Variants in CAMTA1 observed in about 807,000 individuals in gnomAD.
CAMTA1 encodes calmodulin-binding transcription activator 1.
A neutral mutation model predicts 170.9 loss-of-function variants in CAMTA1; 27 were observed. The ratio of observed to expected loss-of-function variants is 0.16; its 90% confidence interval spans 0.12 to 0.22. The LOEUF (loss-of-function observed/expected upper bound fraction) is 0.22, where lower values mean the gene tolerates loss of function less well. Among genes scored for constraint, CAMTA1 ranks in the 10% least tolerant of loss-of-function variants. The probability of loss-of-function intolerance (pLI) is 1.00; values close to 1 mark genes in which losing one functional copy is unlikely to be tolerated. For missense variants in CAMTA1, 1,619 were observed against 2,217.2 expected, an observed-to-expected ratio of 0.73 and a Z score of 5.42; for synonymous variants, 833 against 891.5, an observed-to-expected ratio of 0.93 and a Z score of 1.17.
intron 7 of CAMTA1, among the ~76,000 whole-genome samples, chr1:7,648,267 C>T (rs994068858): frequency 6.6e-6 from 1 of 152,020 alleles, no homozygotes; most frequent in Non-Finnish European, 1.5e-5. Flanking sequence ...TGGCAGGTGC[C>T]TGTAATCACA....
rs1362480531 is a variant in CAMTA1 at position 7,642,824 on chromosome 1, G to T, written c.664+2271G>T. On this transcript the variant is annotated intron_variant, in intron 7 of 22. Coordinates refer to ENST00000303635, the MANE Select transcript of CAMTA1 (RefSeq NM_015215.4). The surrounding 1 kb of genome is among the most constrained non-coding windows in gnomAD (Gnocchi z 6.3). Reference sequence around the variant, plus strand: ...AAGAATCTAGCAGCCTCTGCCCTAAGACCAGCACTTCCAGCCATCTCAGGG... The same window carrying T: ...AAGAATCTAGCAGCCTCTGCCCTAATACCAGCACTTCCAGCCATCTCAGGG... Among the ~76,000 whole-genome samples the T allele has an allele frequency of 6.6e-6, 1 of 152,082 alleles. No individual in the cohort carries two copies. Among genetic ancestry groups the T allele is most frequent in the Non-Finnish European group, 1.5e-5 (1 of 68,008 alleles).
intron 4 of CAMTA1, among the ~76,000 whole-genome samples, chr1:7,204,809 C>CTTTTTT (rs61639082): frequency 1.7e-5 from 2 of 120,978 alleles, no homozygotes; most frequent in Non-Finnish European, 1.7e-5. Context: ...GTCAGAGTTT[C>CTTTTTT]TTTTTTTTTT....
At position 7,547,382 on chromosome 1, in the gene CAMTA1, AC is replaced by A. The variant is rs2094710779; in HGVS notation, c.510+79482del. ...CACACACACACACACACACACACAC[AC>A]ACACACAGAGTTGGCCTTCCACATT... is the stretch of plus-strand genomic sequence containing the variant. On this transcript the variant is annotated intron_variant, in intron 6 of 22. Coordinates refer to ENST00000303635, the MANE Select transcript of CAMTA1 (RefSeq NM_015215.4). This position sits in a 1 kb window ranked among gnomAD's most constrained non-coding sequence, Gnocchi z 5.7. Among the ~76,000 whole-genome samples the A allele has an allele frequency of 1.3e-5, 2 of 151,554 alleles. No individual in the cohort carries two copies. Among genetic ancestry groups the A allele is most frequent in the Admixed American group, 6.6e-5 (1 of 15,228 alleles).
intron 1 of CAMTA1, among the ~76,000 whole-genome samples, chr1:6,801,206 T>C (rs1200015014): frequency 6.6e-6 from 1 of 152,266 alleles, no homozygotes; most frequent in African/African-American, 2.4e-5. Flanking sequence ...CTTTCTGTAC[T>C]GAATCTAATT....
intron 6 of CAMTA1, among the ~76,000 whole-genome samples, chr1:7,629,647 C>T (rs552329269): frequency 6.6e-6 from 1 of 152,168 alleles, no homozygotes; most frequent in Non-Finnish European, 1.5e-5. Context: ...CTTTCTGGAC[C>T]GGAAAGCCCT....
chr1:7,214,862 T>C (rs1659470973), intron 4 of CAMTA1, among the ~76,000 whole-genome samples: 1 of 81,178 alleles, frequency 1.2e-5, no homozygotes, highest in Non-Finnish European at 2.4e-5. Flanking sequence ...TTTCTTTCTT[T>C]TTTTTTTTTT....
chr1:6,978,591 G>A (rs190716949), intron 3 of CAMTA1, among the ~76,000 whole-genome samples: 82 of 151,874 alleles, frequency 5.4e-4, no homozygotes, highest in Admixed American at 2.8e-3. Context: ...CTGAGATTGC[G>A]CCACTGCACT....
At chr1:7,112,872 C>T (rs1233337324) in intron 4 of CAMTA1, among the ~76,000 whole-genome samples, 1 of 152,234 alleles carries the variant, frequency 6.6e-6, no homozygotes, top group South Asian at 2.1e-4. Context: ...TTCCAGATCT[C>T]ACTTCCTTGC....
At chr1:7,660,225 C>T (rs903308950) in intron 7 of CAMTA1, among the ~76,000 whole-genome samples, 14 of 152,202 alleles carry the variant, frequency 9.2e-5, no homozygotes, top group African/African-American at 3.1e-4. Flanking sequence ...TGTGCCACCA[C>T]GCCCAGCTAA....
intron 6 of CAMTA1, among the ~76,000 whole-genome samples, chr1:7,631,788 G>A (rs971916938): frequency 2.0e-5 from 3 of 152,160 alleles, no homozygotes; most frequent in Non-Finnish European, 4.4e-5. Context: ...TCCTCCCCCT[G>A]CCTCCTGGCT....
At chr1:7,516,993 A>G (rs1473088397) in intron 6 of CAMTA1, among the ~76,000 whole-genome samples, 8 of 152,210 alleles carry the variant, frequency 5.3e-5, no homozygotes, top group African/African-American at 1.4e-4. Context: ...CCCACCTTCC[A>G]AAGATAGTAA....
chr1:7,024,798 A>C (rs1277838701), intron 3 of CAMTA1, among the ~76,000 whole-genome samples: 1 of 152,176 alleles, frequency 6.6e-6, no homozygotes, highest in East Asian at 1.9e-4. Context: ...TTGGGAAGTA[A>C]AGTGCCATAT....
Position 6,901,922 on chromosome 1 carries a change from G to T in CAMTA1, c.234+76712G>T, listed in dbSNP as rs79397393. Among the ~76,000 whole-genome samples, 393 of 151,876 alleles carry T rather than the reference G, an allele frequency of 2.6e-3. 1 individual carries two copies. The highest frequency in any genetic ancestry group is 9.2e-3 in the African/African-American group (381 of 41,358). On this transcript the variant is annotated intron_variant, in intron 3 of 22. Transcript: ENST00000303635. Reference sequence around the variant, plus strand: ...TTAGCCGGGCATGGTGGTGGGCCCCGGTATTCCAGCTACTTGGGAGGCTGA... The same window carrying T: ...TTAGCCGGGCATGGTGGTGGGCCCCTGTATTCCAGCTACTTGGGAGGCTGA...
intron 6 of CAMTA1, among the ~76,000 whole-genome samples, chr1:7,549,803 G>C (rs2094773631): frequency 6.6e-6 from 1 of 152,146 alleles, no homozygotes; most frequent in Admixed American, 6.6e-5. Context: ...GAGTAAGAAT[G>C]GGAGGGTGAG....
chr1:7,568,687 C>T (rs1266014762), intron 6 of CAMTA1, among the ~76,000 whole-genome samples: 2 of 151,618 alleles, frequency 1.3e-5, no homozygotes, highest in Admixed American at 1.3e-4. Flanking sequence ...AAATCACCAT[C>T]AAAATCATCA....
chr1:7,700,519 C>T (rs186420301), intron 11 of CAMTA1, among the ~76,000 whole-genome samples: 1 of 152,306 alleles, frequency 6.6e-6, no homozygotes, highest in Admixed American at 6.5e-5. Flanking sequence ...CCAATTCAAT[C>T]TCAGGACTGG....
In CAMTA1 at chr1:6,887,659, C is replaced by T. The variant is rs1477186735; in HGVS notation, c.234+62449C>T. The T allele has an allele frequency of 6.5e-7, 1 of 1,535,212 alleles. No homozygotes were observed. Among genetic ancestry groups the T allele is most frequent in the Non-Finnish European group, 8.7e-7 (1 of 1,146,588 alleles). ...TTTACACCTATTTATTTCAGGCTCT[C>T]ACCACACACTTGTTCATGGGCGCAG... is the stretch of plus-strand genomic sequence containing the variant. On this transcript the variant is annotated intron_variant, in intron 3 of 22. Transcript: ENST00000303635. The surrounding 1 kb of genome is among the most constrained non-coding windows in gnomAD (Gnocchi z 4.1).
rs2083173841 is a variant in CAMTA1, at chr1:7,333,668, G to A, written c.438+84042G>A. Among the ~76,000 whole-genome samples the A allele has an allele frequency of 6.6e-6, 1 of 152,210 alleles. No homozygotes were observed. The highest frequency in any genetic ancestry group is 2.4e-5 in the African/African-American group (1 of 41,448). On this transcript the variant is annotated intron_variant, in intron 5 of 22. Transcript: ENST00000303635. The surrounding 1 kb of genome is among the most constrained non-coding windows in gnomAD (Gnocchi z 4.4). ...AGGCTGGGGTTACAGCCTCCGCCATGTTGCAGATTCTCCAATAAGCATCCC... is the reference window on the plus strand; with the variant it reads ...AGGCTGGGGTTACAGCCTCCGCCATATTGCAGATTCTCCAATAAGCATCCC...
intron 11 of CAMTA1, among the ~76,000 whole-genome samples, chr1:7,692,294 C>T (rs1171821199): frequency 1.3e-5 from 2 of 152,140 alleles, no homozygotes; most frequent in Admixed American, 6.5e-5. Flanking sequence ...GAGAAATCCT[C>T]CCTTCAGCTC....
Sources: allele counts gnomAD v4.1 joint callset (sites outside exome capture counted in the v4.1 genomes callset), GRCh38; gene constraint gnomAD v4.1.1; non-coding constraint Gnocchi (gnomAD v3.1); transcripts MANE v1.5; gene names NCBI Gene and HGNC (gene_info 2026-07-23, HGNC 2026-07-21).